Variants in FRS2 observed in about 807,000 individuals in gnomAD.
FRS2 encodes fibroblast growth factor receptor substrate 2.
In FRS2, 8 loss-of-function variants were observed where a neutral mutation model predicts 43.9. That is an observed-to-expected ratio of 0.18 (90% CI 0.11 to 0.33). FRS2 has a LOEUF of 0.33. FRS2 is among the 10% of genes least tolerant of loss of function. The probability of loss-of-function intolerance (pLI) is 1.00; values close to 1 mark genes in which losing one functional copy is unlikely to be tolerated. For synonymous variants in FRS2, 219 were observed against 220.3 expected, an observed-to-expected ratio of 0.99 and a Z score of 0.05; for missense variants, 534 against 627.6, an observed-to-expected ratio of 0.85 and a Z score of 1.59.
chr12:69,553,447 A>C (rs1879078580), intron 3 of FRS2, among the ~76,000 whole-genome samples: 1 of 152,214 alleles, frequency 6.6e-6, no homozygotes, highest in South Asian at 2.1e-4. Context: ...ATTTCTTATC[A>C]AAATGTAATC....
At chr12:69,504,288 C>G (rs1486479782) in intron 1 of FRS2, among the ~76,000 whole-genome samples, 1 of 152,206 alleles carries the variant, frequency 6.6e-6, no homozygotes, top group African/African-American at 2.4e-5. Flanking sequence ...TTGCTTGAAC[C>G]CAGGAGGTGG....
intron 1 of FRS2, among the ~76,000 whole-genome samples, chr12:69,474,533 T>C (rs1267068962): frequency 6.6e-6 from 1 of 152,234 alleles, no homozygotes; most frequent in Non-Finnish European, 1.5e-5. Flanking sequence ...TGTCCACTGC[T>C]TCTTCACACT....
intron 1 of FRS2, among the ~76,000 whole-genome samples, chr12:69,505,147 A>G (rs893339150): frequency 1.2e-4 from 19 of 152,182 alleles, no homozygotes; most frequent in Non-Finnish European, 2.4e-4. Flanking sequence ...GTGTGAGCCA[A>G]TGTACCTGGC....
intron 1 of FRS2, among the ~76,000 whole-genome samples, chr12:69,525,435 TA>T (rs752924236): frequency 6.6e-6 from 1 of 152,140 alleles, no homozygotes; most frequent in Non-Finnish European, 1.5e-5. Flanking sequence ...TTCCTTAAAA[TA>T]CAAAACAAAA....
chr12:69,519,614 T>C (rs1274675854), intron 1 of FRS2, among the ~76,000 whole-genome samples: 1 of 152,188 alleles, frequency 6.6e-6, no homozygotes, highest in African/African-American at 2.4e-5. Flanking sequence ...TGTGTCCATG[T>C]GTACTCATCA....
At chr12:69,548,860 G>A (rs1337281478) in intron 3 of FRS2, among the ~76,000 whole-genome samples, 2 of 152,162 alleles carry the variant, frequency 1.3e-5, no homozygotes, top group East Asian at 3.8e-4. Context: ...GCCTAACAGG[G>A]GCCATTACTA....
At position 69,575,136 on chromosome 12, in the gene FRS2, A is replaced by G. The variant is rs190419436; in HGVS notation, c.*181A>G. On this transcript the variant is annotated 3_prime_UTR_variant, in exon 9 of 9. Coordinates refer to ENST00000549921, the MANE Select transcript of FRS2 (RefSeq NM_001278356.2). ...GTAGAGCAGGTACTCCTTAAAGAAC[A>G]CTAATTTCATTATATACTACTCGTT... 8 of 565,220 alleles carry G rather than the reference A, an allele frequency of 1.4e-5. No individual in the cohort carries two copies. The highest frequency in any genetic ancestry group is 1.0e-4 in the South Asian group (4 of 39,410). 35.0% of individuals were successfully genotyped at this position (565,220 alleles called of 1,614,324 possible).
chr12:69,550,969 G>GT (rs1878818545), intron 3 of FRS2, among the ~76,000 whole-genome samples: 1 of 152,106 alleles, frequency 6.6e-6, no homozygotes, highest in African/African-American at 2.4e-5. Flanking sequence ...CATTTTGAGA[G>GT]TATGACGGAA....
intron 1 of FRS2, among the ~76,000 whole-genome samples, chr12:69,528,397 TAATCCCAAACAGA>T (rs1454338282): frequency 6.6e-6 from 1 of 152,198 alleles, no homozygotes; most frequent in African/African-American, 2.4e-5. Context: ...CCTTATAATA[TAATCCCAAACAGA>T]AATCCCTAAC....
At chr12:69,539,901 G>A (rs1173383988) in intron 3 of FRS2, among the ~76,000 whole-genome samples, 2 of 152,128 alleles carry the variant, frequency 1.3e-5, no homozygotes, top group African/African-American at 4.8e-5. Flanking sequence ...GTTGCAGTGA[G>A]CCGAGATTGT....
In FRS2 at chr12:69,492,504, A is replaced by G. The variant is rs539626183; in HGVS notation, c.-261+21974A>G. ...ATCTGAGAAAAAGGAAATGGAATGGAAAAGAAGATTTCTAGGGATAAGACA... is the reference window on the plus strand; with the variant it reads ...ATCTGAGAAAAAGGAAATGGAATGGGAAAGAAGATTTCTAGGGATAAGACA... On this transcript the variant is annotated intron_variant, in intron 1 of 8. Coordinates refer to ENST00000549921, the MANE Select transcript of FRS2 (RefSeq NM_001278356.2). Among the ~76,000 whole-genome samples the G allele has an allele frequency of 9.2e-5, 14 of 152,356 alleles. No homozygotes were observed. In the South Asian group the frequency reaches 2.9e-3, roughly 32 times the overall value.
At chr12:69,480,624 C>G (rs1592910762) in intron 1 of FRS2, among the ~76,000 whole-genome samples, 2 of 152,204 alleles carry the variant, frequency 1.3e-5, no homozygotes, top group African/African-American at 2.4e-5. Flanking sequence ...TGCCACTGCA[C>G]CTGGCCATTG....
chr12:69,516,304 C>T (rs1049450015), intron 1 of FRS2, among the ~76,000 whole-genome samples: 4 of 151,854 alleles, frequency 2.6e-5, no homozygotes, highest in Admixed American at 1.3e-4. Flanking sequence ...CAGCAACCTC[C>T]GCCTCCCTGG....
Position 69,574,797 on chromosome 12 carries a change from A to T in FRS2, c.1369A>T (p.Thr457Ser), listed in dbSNP as rs1469803897. The change falls in exon 9 of 9, where the codon ACA becomes TCA. Residue 457 changes from threonine to serine, a missense_variant. Physicochemically the swap from Thr to Ser is moderately conservative, Grantham distance 58 (BLOSUM62 1). Coordinates refer to ENST00000549921, the MANE Select transcript of FRS2 (RefSeq NM_001278356.2). ...SDNPQTPKTP[T>S]TPLPQTPTRR... The stretch of plus-strand genomic sequence containing the variant: ...CAACCCTCAGACTCCAAAAACGCCT[A>T]CAACTCCCCTTCCACAAACCCCTAC... 6.2e-7 allele frequency: 1 copy of T among 1,614,032 alleles called. No individual in the cohort carries two copies. The highest frequency in any genetic ancestry group is 1.3e-5 in the African/African-American group (1 of 74,912).
At chr12:69,493,612 T>C (rs1274110621) in intron 1 of FRS2, among the ~76,000 whole-genome samples, 2 of 152,092 alleles carry the variant, frequency 1.3e-5, no homozygotes, top group Non-Finnish European at 2.9e-5. Context: ...TCCCAGTTAC[T>C]TGGGTGGCTG....
intron 1 of FRS2, among the ~76,000 whole-genome samples, chr12:69,508,937 T>A (rs1874207259): frequency 6.6e-6 from 1 of 152,218 alleles, no homozygotes; most frequent in Non-Finnish European, 1.5e-5. Flanking sequence ...TAGTGTTTAT[T>A]AAGACTATGC....
chr12:69,515,368 A>G (rs1427108577), intron 1 of FRS2, among the ~76,000 whole-genome samples: 1 of 152,198 alleles, frequency 6.6e-6, no homozygotes, highest in Non-Finnish European at 1.5e-5. Flanking sequence ...TGATTAAATA[A>G]TTTCTTATTC....
intron 1 of FRS2, among the ~76,000 whole-genome samples, chr12:69,499,783 G>A (rs1202866010): frequency 6.8e-6 from 1 of 147,354 alleles, no homozygotes; most frequent in Non-Finnish European, 1.5e-5. Context: ...TGATGGTGAA[G>A]TTGGAGTAGG....
At chr12:69,557,628 G>GCGCGCGCGCA (rs1555192579) in intron 3 of FRS2, among the ~76,000 whole-genome samples, 6 of 147,424 alleles carry the variant, frequency 4.1e-5, no homozygotes, top group African/African-American at 1.6e-4. Flanking sequence ...GTGCGCGCGC[G>GCGCGCGCGCA]CGCGCGCGCA....
Sources: gnomAD v4.1 joint callset for allele counts (sites outside exome capture counted in the v4.1 genomes callset) on GRCh38, gnomAD v4.1.1 for gene constraint, MANE v1.5 for transcripts, NCBI Gene and HGNC (gene_info 2026-07-23, HGNC 2026-07-21) for gene names.